AGTPBP1: variants seen among roughly 807,000 people sequenced by gnomAD.
AGTPBP1 encodes ATP/GTP binding carboxypeptidase 1, also known as cytosolic carboxypeptidase 1.
Under a neutral mutation model 143.9 loss-of-function variants are expected in AGTPBP1, and 70 were observed. The observed-to-expected ratio is 0.49, with a 90% CI of 0.40 to 0.59. The LOEUF (loss-of-function observed/expected upper bound fraction) is 0.59. AGTPBP1 is among the 20% of genes least tolerant of loss of function. The pLI is 0.00. For missense variants in AGTPBP1, 1,229 were observed against 1,464.5 expected, an observed-to-expected ratio of 0.84 and a Z score of 2.62; for synonymous variants, 463 against 500.2, an observed-to-expected ratio of 0.93 and a Z score of 0.99.
At chr9:85,782,477 T>C in the AGTPBP1 span, among the ~76,000 whole-genome samples, 1 of 152,068 alleles carries the variant, frequency 6.6e-6, no homozygotes, top group East Asian at 1.9e-4. Context: ...ATCACGACAT[T>C]GCACCCCGAC....
intron 1 of AGTPBP1, among the ~76,000 whole-genome samples, chr9:85,716,445 A>T (rs1188088713): frequency 1.3e-5 from 2 of 152,116 alleles, no homozygotes; most frequent in African/African-American, 4.8e-5. Context: ...TACCAACTCG[A>T]CATATGCAAA....
At chr9:85,551,427 A>G (rs1826032898) in intron 25 of AGTPBP1, among the ~76,000 whole-genome samples, 1 of 152,112 alleles carries the variant, frequency 6.6e-6, no homozygotes, top group African/African-American at 2.4e-5. Flanking sequence ...CTATCTGATC[A>G]CTTCATGTAT....
chr9:85,643,165 T>G (rs1025949289), intron 12 of AGTPBP1, among the ~76,000 whole-genome samples: 10 of 152,170 alleles, frequency 6.6e-5, no homozygotes, highest in Admixed American at 3.9e-4. Flanking sequence ...TCATGGTTAC[T>G]CTAATATAAC....
intron 25 of AGTPBP1, among the ~76,000 whole-genome samples, chr9:85,563,098 T>C (rs1411892764): frequency 6.6e-6 from 1 of 152,202 alleles, no homozygotes; most frequent in African/African-American, 2.4e-5. Context: ...CTGTAAGAAA[T>C]AGATTTCTCC....
At chr9:85,796,946 C>A in the AGTPBP1 span, among the ~76,000 whole-genome samples, 1 of 151,986 alleles carries the variant, frequency 6.6e-6, no homozygotes. Context: ...ACCACCACAC[C>A]CGCCTAATTT....
chr9:85,586,488 C>T (rs191470538), intron 22 of AGTPBP1, among the ~76,000 whole-genome samples: 5 of 152,266 alleles, frequency 3.3e-5, no homozygotes. Flanking sequence ...GCCTGTACTA[C>T]ATTTCCCCTG....
chr9:85,614,718 GTGGTACTAGA>G (rs1239911108), intron 17 of AGTPBP1, among the ~76,000 whole-genome samples: 1 of 152,076 alleles, frequency 6.6e-6, no homozygotes, highest in Non-Finnish European at 1.5e-5. Flanking sequence ...TAGAAACACA[GTGGTACTAGA>G]TCAACAAGAA....
the AGTPBP1 span, among the ~76,000 whole-genome samples, chr9:85,796,844 T>C: frequency 6.6e-6 from 1 of 152,300 alleles, no homozygotes; most frequent in South Asian, 2.1e-4. Flanking sequence ...CAGAGAGCAG[T>C]GGTGCAGTCT....
At chr9:85,711,386 A>T (rs1837353758) in intron 2 of AGTPBP1, among the ~76,000 whole-genome samples, 1 of 152,064 alleles carries the variant, frequency 6.6e-6, no homozygotes, top group African/African-American at 2.4e-5. Context: ...ACTTTAACAG[A>T]GATGATACAG....
the AGTPBP1 span, among the ~76,000 whole-genome samples, chr9:85,766,004 T>C: frequency 6.6e-6 from 1 of 151,968 alleles, no homozygotes; most frequent in South Asian, 2.1e-4. Flanking sequence ...CCCAAGGTGT[T>C]AAATTGGAGC....
chr9:85,668,967 ATGTGTGTGTGTGTGTGTGTG>A (rs539493558), intron 8 of AGTPBP1, among the ~76,000 whole-genome samples: 1 of 114,388 alleles, frequency 8.7e-6, no homozygotes, highest in Non-Finnish European at 1.9e-5. Context: ...ACATACATAC[ATGTGTGTGTGTGTGTGTGTG>A]TGTGTGTGTG....
chr9:85,558,487 T>C (rs967103226), intron 25 of AGTPBP1, among the ~76,000 whole-genome samples: 8 of 152,338 alleles, frequency 5.3e-5, no homozygotes, highest in African/African-American at 1.2e-4. Flanking sequence ...GTGAATTTCA[T>C]CTCAATTAAA....
At chr9:85,722,375 A>G (rs1404882683) in intron 1 of AGTPBP1, among the ~76,000 whole-genome samples, 1 of 151,184 alleles carries the variant, frequency 6.6e-6, no homozygotes, top group Non-Finnish European at 1.5e-5. Context: ...GTTTCTTTTC[A>G]CTCTTTTTTC....
intron 1 of AGTPBP1, among the ~76,000 whole-genome samples, chr9:85,717,718 T>G (rs1264751242): frequency 6.6e-6 from 1 of 151,434 alleles, no homozygotes; most frequent in African/African-American, 2.4e-5. Flanking sequence ...CTAGGGTACA[T>G]GTGCACAACG....
intron 1 of AGTPBP1, among the ~76,000 whole-genome samples, chr9:85,719,150 G>A (rs766066656): frequency 7.3e-5 from 11 of 151,570 alleles, no homozygotes; most frequent in Admixed American, 2.0e-4. Flanking sequence ...TTGGCTATGC[G>A]GGCTTTTTGG....
intron 1 of AGTPBP1, among the ~76,000 whole-genome samples, chr9:85,731,581 G>A (rs1031391459): frequency 1.3e-5 from 2 of 151,946 alleles, no homozygotes; most frequent in African/African-American, 4.8e-5. Context: ...TGCCTCAGCT[G>A]GGACCACAGG....
chr9:85,714,743 G>T (rs1315616193), intron 1 of AGTPBP1, among the ~76,000 whole-genome samples: 2 of 152,008 alleles, frequency 1.3e-5, no homozygotes, highest in Non-Finnish European at 2.9e-5. Context: ...ATAGATATTG[G>T]TATTGTTTCT....
In AGTPBP1 at chr9:85,706,014, G is replaced by T. The variant is rs115303732; in HGVS notation, c.32+6488C>A. On this transcript the variant is annotated intron_variant, in intron 2 of 25. Transcript: ENST00000357081. The stretch of plus-strand genomic sequence containing the variant: ...CTATGGAAGGTTTTTATACTATGTA[G>T]GAAGTGATGTATCACTAAAAGATAG... 3.8e-3 allele frequency among the ~76,000 whole-genome samples: 576 copies of T among 151,530 alleles called. 2 individuals are homozygous for T. The highest frequency in any genetic ancestry group is 0.013 in the African/African-American group (550 of 41,344).
intron 4 of AGTPBP1, among the ~76,000 whole-genome samples, chr9:85,679,564 C>A (rs1835042885): frequency 6.6e-6 from 1 of 152,170 alleles, no homozygotes; most frequent in South Asian, 2.1e-4. Flanking sequence ...TCCGCCACCA[C>A]ATCCAACTAA....
Sources: allele counts gnomAD v4.1 joint callset (sites outside exome capture counted in the v4.1 genomes callset), GRCh38; gene constraint gnomAD v4.1.1; transcripts MANE v1.5; gene names NCBI Gene and HGNC (gene_info 2026-07-23, HGNC 2026-07-21).